The following ZNF461 variants were observed in gnomAD, a reference collection of about 807,000 sequenced individuals.
ZNF461 encodes the protein zinc finger protein 461, also known as gonadotropin-inducible ovarian transcription factor-1.
A neutral mutation model predicts 18.3 loss-of-function variants in ZNF461; 16 were observed. That is an observed-to-expected ratio of 0.88 (90% CI 0.59 to 1.33). ZNF461 has a LOEUF of 1.33. ZNF461 is among the 40% of genes most tolerant of loss of function. The pLI, the probability that ZNF461 is intolerant of heterozygous loss-of-function variation, is 0.00. For missense variants in ZNF461, 595 were observed against 669.9 expected (o/e 0.89, Z 1.23); for synonymous variants, 179 against 216.9 (o/e 0.83, Z 1.54).
chr19:36,646,891 C>T (rs1172724285), intron 4 of ZNF461, among the ~76,000 whole-genome samples: 1 of 151,908 alleles, frequency 6.6e-6, no homozygotes, highest in African/African-American at 2.4e-5. Context: ...TTTCATTTTT[C>T]CTAGATTTAA....
chr19:36,664,680 A>C lies in ZNF461; in HGVS notation c.9+18T>G. 6.6e-7 allele frequency: 1 copy of C among 1,525,210 alleles called. No homozygotes were observed. The highest frequency in any genetic ancestry group is 8.7e-7 in the Non-Finnish European group (1 of 1,143,790). 94.5% of individuals were successfully genotyped at this position (1,525,210 alleles called of 1,614,324 possible). On this transcript the variant is annotated intron_variant, in intron 2 of 5. Transcript: ENST00000588268. ...AAAATCAAGTATTGTAATTAGGAGC[A>C]AGAAAAAACCAACTTACATGGGCCA... is the stretch of plus-strand genomic sequence containing the variant.
intron 4 of ZNF461, among the ~76,000 whole-genome samples, chr19:36,645,580 C>T (rs2037511470): frequency 6.6e-6 from 1 of 152,104 alleles, no homozygotes; most frequent in South Asian, 2.1e-4. Context: ...TATACATTTA[C>T]ATTGTGAAAT....
intron 4 of ZNF461, among the ~76,000 whole-genome samples, chr19:36,650,139 C>CTTCA (rs1423142424): frequency 6.6e-6 from 1 of 152,092 alleles, no homozygotes; most frequent in African/African-American, 2.4e-5. Context: ...TGCTACTGCA[C>CTTCA]TTCAGCCTGG....
At chr19:36,653,604 CAGGAGAG>C (rs1196136312) in intron 4 of ZNF461, among the ~76,000 whole-genome samples, 1 of 152,098 alleles carries the variant, frequency 6.6e-6, no homozygotes, top group Non-Finnish European at 1.5e-5. Flanking sequence ...TGACAGCAGA[CAGGAGAG>C]AATGAGAGCC....
intron 4 of ZNF461, among the ~76,000 whole-genome samples, chr19:36,647,225 G>A (rs1600423752): frequency 6.6e-6 from 1 of 152,302 alleles, no homozygotes; most frequent in East Asian, 1.9e-4. Flanking sequence ...TTCTTCAGCT[G>A]TAGTTGACAT....
At chr19:36,659,049 T>G (rs2037773917) in intron 2 of ZNF461, among the ~76,000 whole-genome samples, 1 of 152,192 alleles carries the variant, frequency 6.6e-6, no homozygotes, top group Admixed American at 6.5e-5. Context: ...CTTCTGTGGT[T>G]AGATCACAAA....
intron 2 of ZNF461, among the ~76,000 whole-genome samples, chr19:36,659,210 A>G (rs1568660369): frequency 6.6e-6 from 1 of 152,132 alleles, no homozygotes; most frequent in Non-Finnish European, 1.5e-5. Flanking sequence ...CAGCTTGCAA[A>G]CCATGTGAGG....
In ZNF461 at chr19:36,636,889, A is replaced by G. The variant is rs945162048; in HGVS notation, c.*1764T>C. ...TAACTAGAAGCCAGCATATCTGGCC[A>G]CATTCCAATGCTTCAAAGGAGTGTC... is the stretch of plus-strand genomic sequence containing the variant. On this transcript the variant is annotated 3_prime_UTR_variant, in exon 6 of 6. Coordinates refer to ENST00000588268, the MANE Select transcript of ZNF461 (RefSeq NM_153257.5). 6.6e-6 allele frequency among the ~76,000 whole-genome samples: 1 copy of G among 152,246 alleles called. No homozygotes were observed. The highest frequency in any genetic ancestry group is 2.4e-5 in the African/African-American group (1 of 41,474).
intron 4 of ZNF461, among the ~76,000 whole-genome samples, chr19:36,651,014 G>A (rs930296705): frequency 6.6e-6 from 1 of 151,484 alleles, no homozygotes; most frequent in African/African-American, 2.4e-5. Context: ...GGTGGATCAC[G>A]AGGTCAGGAG....
chr19:36,638,658 A>T lies in ZNF461; in HGVS notation c.1687T>A (p.Ser563Thr). 1 of 1,597,574 alleles carries T rather than the reference A, an allele frequency of 6.3e-7. No individual in the cohort carries two copies. The highest frequency in any genetic ancestry group is 8.5e-7 in the Non-Finnish European group (1 of 1,171,028). The change falls in exon 6 of 6, where the codon TCA becomes ACA. Residue 563 changes from serine (S) to threonine (T), a missense_variant. Physicochemically the swap from Ser to Thr is moderately conservative, Grantham distance 58. Transcript: ENST00000588268. ...TATATTTCCATCAACAAATTTCATG[A>T]TGCTAGACTAGGATGGGGAGGGAGG... is the stretch of plus-strand genomic sequence containing the variant. ...PLLPPHPSLA[S>T]
intron 2 of ZNF461, among the ~76,000 whole-genome samples, chr19:36,663,745 G>C (rs552903892): frequency 1.8e-4 from 27 of 151,880 alleles, no homozygotes; most frequent in South Asian, 1.7e-3. Context: ...GCCTAGACTG[G>C]TCTGGAACTC....
At chr19:36,649,934 TG>T (rs2037597211) in intron 4 of ZNF461, among the ~76,000 whole-genome samples, 1 of 152,130 alleles carries the variant, frequency 6.6e-6, no homozygotes, top group Non-Finnish European at 1.5e-5. Flanking sequence ...CCCAGCACTT[TG>T]GGAGGCCAAG....
In ZNF461 at chr19:36,639,352, A is replaced by G. The variant is rs1478722679; in HGVS notation, c.993T>C (p.Cys331=). ...RLHTGEKPYE[C]KQCGKAFIRG... ...GAATAAAAGCCTTCCCACATTGCTT[A>G]CATTCATAGGGTTTTTCACCAGTAT... The change falls in exon 6 of 6, where the codon TGT becomes TGC. Residue 331 remains cysteine, a synonymous_variant. Coordinates refer to ENST00000588268, the MANE Select transcript of ZNF461 (RefSeq NM_153257.5). 1 of 1,614,118 alleles carries G rather than the reference A, an allele frequency of 6.2e-7. No homozygotes were observed. Among genetic ancestry groups the G allele is most frequent in the Non-Finnish European group, 8.5e-7 (1 of 1,180,016 alleles).
Position 36,656,473 on chromosome 19 carries a change from C to T in ZNF461, c.207G>A (p.Arg69=). ...EQGKEPWMVV[R]EETGRWCPGT... ...CTGGGCACCATCTTCCTGTCTCTTC[C>T]CTCACAACCATCCAGGGCTCCTTCC... Residue 69 remains arginine, a synonymous_variant, in exon 4 of 6, where the codon AGG becomes AGA. Transcript: ENST00000588268. 6.2e-7 allele frequency: 1 copy of T among 1,614,190 alleles called. No individual in the cohort carries two copies. The highest frequency in any genetic ancestry group is 8.5e-7 in the Non-Finnish European group (1 of 1,180,022).
At position 36,658,414 on chromosome 19, in the gene ZNF461, C is replaced by A; in HGVS notation, c.21G>T (p.Met7Ile). 6.2e-7 allele frequency: 1 copy of A among 1,608,680 alleles called. No individual in the cohort carries two copies. Among genetic ancestry groups the A allele is most frequent in the Non-Finnish European group, 8.5e-7 (1 of 1,177,614 alleles). MAHELV[M>I]FRDVAIDVSQ... Reference sequence around the variant, plus strand: ...AGACATCTATAGCCACATCTCTGAACATCACCAACTCCTAAAATGACAAAT... The same window carrying A: ...AGACATCTATAGCCACATCTCTGAAAATCACCAACTCCTAAAATGACAAAT... The change falls in exon 3 of 6, where the codon ATG becomes ATT. Residue 7 changes from methionine (M) to isoleucine (I), a missense_variant. By Grantham distance (10) the Met-to-Ile change is conservative (BLOSUM62 1). Coordinates refer to ENST00000588268, the MANE Select transcript of ZNF461 (RefSeq NM_153257.5).
At position 36,639,362 on chromosome 19, in the gene ZNF461, G is replaced by A; in HGVS notation, c.983C>T (p.Pro328Leu). 2 of 1,613,856 alleles carry A rather than the reference G, an allele frequency of 1.2e-6. No homozygotes were observed. Among genetic ancestry groups the A allele is most frequent in the Non-Finnish European group, 1.7e-6 (2 of 1,179,980 alleles). Residue 328 changes from proline to leucine, a missense_variant, in exon 6 of 6, where the codon CCC (proline) becomes CTC (leucine). Physicochemically the swap from Pro to Leu is moderately conservative, Grantham distance 98. Coordinates refer to ENST00000588268, the MANE Select transcript of ZNF461 (RefSeq NM_153257.5). Reference sequence around the variant, plus strand: ...CTTCCCACATTGCTTACATTCATAGGGTTTTTCACCAGTATGAAGTCTCTG... The same window carrying A: ...CTTCCCACATTGCTTACATTCATAGAGTTTTTCACCAGTATGAAGTCTCTG... ...QHQRLHTGEKPYECKQCGKAF... is the reference protein window; with the variant it reads ...QHQRLHTGEKLYECKQCGKAF...
chr19:36,652,314 A>G (rs1309564448), intron 4 of ZNF461, among the ~76,000 whole-genome samples: 1 of 150,494 alleles, frequency 6.6e-6, no homozygotes, highest in Non-Finnish European at 1.5e-5. Flanking sequence ...CAACATGGTG[A>G]AACCCCGCCT....
At chr19:36,646,285 C>G (rs2037527051) in intron 4 of ZNF461, among the ~76,000 whole-genome samples, 1 of 152,134 alleles carries the variant, frequency 6.6e-6, no homozygotes, top group Non-Finnish European at 1.5e-5. Context: ...CGTGTGCCAC[C>G]ACGCCCGGCT....
intron 4 of ZNF461, among the ~76,000 whole-genome samples, chr19:36,648,310 G>A (rs1461058729): frequency 6.6e-6 from 1 of 152,044 alleles, no homozygotes; most frequent in Non-Finnish European, 1.5e-5. Flanking sequence ...AGGCCTTCCT[G>A]GAAGCTGAGC....
Sources: allele counts gnomAD v4.1 joint callset (sites outside exome capture counted in the v4.1 genomes callset), GRCh38; gene constraint gnomAD v4.1.1; transcripts MANE v1.5; gene names NCBI Gene and HGNC (gene_info 2026-07-23, HGNC 2026-07-21).